Variants in RBM12 observed in about 807,000 individuals in gnomAD.
The protein encoded by RBM12 is RNA-binding protein 12.
In RBM12, 24 loss-of-function variants were observed where a neutral mutation model predicts 37.2. The observed-to-expected ratio is 0.65, with a 90% CI of 0.47 to 0.91. The LOEUF (loss-of-function observed/expected upper bound fraction) is 0.91. Among genes scored for constraint, RBM12 ranks in the 40% least tolerant of loss-of-function variants. The pLI, the probability that RBM12 is intolerant of heterozygous loss-of-function variation, is 0.00. For synonymous variants in RBM12, 420 were observed against 425.2 expected (o/e 0.99, Z 0.15); for missense variants, 1,061 against 1,183.2 (o/e 0.90, Z 1.52).
At chr20:35,660,047 C>G (rs1163819702) in intron 1 of RBM12, among the ~76,000 whole-genome samples, 1 of 152,132 alleles carries the variant, frequency 6.6e-6, no homozygotes, top group African/African-American at 2.4e-5. Context: ...GTGTGATTTT[C>G]TAAAGGACAA....
chr20:35,660,933 C>A (rs2034199761), intron 1 of RBM12, among the ~76,000 whole-genome samples: 1 of 152,148 alleles, frequency 6.6e-6, no homozygotes, highest in African/African-American at 2.4e-5. Context: ...TCAAAAATTT[C>A]TAAAAGGTTA....
Position 35,659,888 on chromosome 20 carries a change from G to C in RBM12, c.-107-874C>G, listed in dbSNP as rs537338931. ...CAAAGGTCATGTTTTAATTCGGAGA[G>C]AGAAGAAATTTGCCACTGTTCAGTA... On this transcript the variant is annotated intron_variant, in intron 1 of 2. Transcript: ENST00000374114. 2.0e-5 allele frequency among the ~76,000 whole-genome samples: 3 copies of C among 152,200 alleles called. No homozygotes were observed. In the South Asian group the frequency reaches 6.2e-4, roughly 32 times the overall value.
rs1211662496 is a variant in RBM12 at position 35,654,216 on chromosome 20, T to C, written c.1107A>G (p.Gln369=). The C allele has an allele frequency of 2.5e-6, 4 of 1,614,132 alleles. No individual in the cohort carries two copies. The highest frequency in any genetic ancestry group is 1.3e-5 in the African/African-American group (1 of 74,948). The change falls in exon 3 of 3, where the codon CAA becomes CAG. Residue 369 remains glutamine, a synonymous_variant. Transcript: ENST00000374114. ...ALKRNRMLMI[Q]RYVEVSPATE... is the part of the protein sequence containing the mutation. ...TGGCAGGGCTAACTTCCACATAGCG[T>C]TGAATCATCAGCATTCTGTTTCGTT...
Position 35,650,014 on chromosome 20 carries a change from G to A in RBM12, c.*2510C>T, listed in dbSNP as rs1441015563. The A allele has an allele frequency of 1.3e-5, 2 of 152,618 alleles. No individual in the cohort carries two copies. Among genetic ancestry groups the A allele is most frequent in the South Asian group, 2.1e-4 (1 of 4,838 alleles). 9.5% of individuals were successfully genotyped at this position (152,618 alleles called of 1,614,324 possible). ...TCTTAGGAGAAAATTCGCAGGAAGA[G>A]AGGTATGAGTAGTTTCACAGAATAC... is the stretch of plus-strand genomic sequence containing the variant. On this transcript the variant is annotated 3_prime_UTR_variant, in exon 3 of 3. Transcript: ENST00000374114.
chr20:35,657,627 T>C (rs1316205713), intron 2 of RBM12, among the ~76,000 whole-genome samples: 1 of 152,172 alleles, frequency 6.6e-6, no homozygotes, highest in Non-Finnish European at 1.5e-5. Context: ...TTGTACAAGG[T>C]ACACATGAGA....
Position 35,654,140 on chromosome 20 carries a change from T to C in RBM12, c.1183A>G (p.Met395Val). The change falls in exon 3 of 3, where the codon ATG becomes GTG. Residue 395 changes from methionine to valine, a missense_variant. This residue lies in a region of RBM12 where 540 missense variants were observed against 632.7 expected (regional missense o/e 0.85). Coordinates refer to ENST00000374114, the MANE Select transcript of RBM12 (RefSeq NM_006047.6). The part of the protein sequence containing the change: ...AGGHITFKQN[M>V]GPSGQTHPPP... ...GGATGAGTTTGTCCAGAAGGTCCCA[T>C]ATTTTGCTTAAAAGTGATATGGCCT... is the stretch of plus-strand genomic sequence containing the variant. The C allele has an allele frequency of 2.5e-6, 4 of 1,614,242 alleles. No homozygotes were observed. The highest frequency in any genetic ancestry group is 3.4e-6 in the Non-Finnish European group (4 of 1,180,046).
In RBM12 at chr20:35,655,166, C is replaced by T; in HGVS notation, c.157G>A (p.Ala53Thr). 1.2e-6 allele frequency: 2 copies of T among 1,614,196 alleles called. No homozygotes were observed. Among genetic ancestry groups the T allele is most frequent in the Non-Finnish European group, 1.7e-6 (2 of 1,180,042 alleles). Reference protein sequence around the residue: ...AFIVFATDEDARLGMMRTGGT... With the variant: ...AFIVFATDEDTRLGMMRTGGT... ...CCTGTGCGCATCATACCAAGCCTTG[C>T]ATCTTCATCAGTGGCAAAAACGATG... The change falls in exon 3 of 3, where the codon GCA becomes ACA. Residue 53 changes from alanine (A) to threonine (T), a missense_variant. Physicochemically the swap from Ala to Thr is moderately conservative, Grantham distance 58 (BLOSUM62 0). This residue lies in a region of RBM12 where 540 missense variants were observed against 632.7 expected (regional missense o/e 0.85). Transcript: ENST00000374114.
rs947430142 is a variant in RBM12, at chr20:35,654,115, G to A, written c.1208C>T (p.Pro403Leu). 1 of 1,614,170 alleles carries A rather than the reference G, an allele frequency of 6.2e-7. No homozygotes were observed. Among genetic ancestry groups the A allele is most frequent in the East Asian group, 2.2e-5 (1 of 44,890 alleles). Residue 403 changes from proline (P) to leucine (L), a missense_variant, in exon 3 of 3, where the codon CCC becomes CTC. By Grantham distance (98) the Pro-to-Leu change is moderately conservative. This residue lies in a region of RBM12 where 540 missense variants were observed against 632.7 expected (regional missense o/e 0.85). Transcript: ENST00000374114. Reference sequence around the variant, plus strand: ...TGACCTGGGAAGTGTCTGAGGAGGGGGATGAGTTTGTCCAGAAGGTCCCAT... The same window carrying A: ...TGACCTGGGAAGTGTCTGAGGAGGGAGATGAGTTTGTCCAGAAGGTCCCAT... ...QNMGPSGQTH[P>L]PPQTLPRSKS... is the part of the protein sequence containing the mutation.
At position 35,650,358 on chromosome 20, in the gene RBM12, G is replaced by A. The variant is rs1398497553; in HGVS notation, c.*2166C>T. On this transcript the variant is annotated 3_prime_UTR_variant, in exon 3 of 3. Transcript: ENST00000374114. Reference sequence around the variant, plus strand: ...TATGAAATATTTAATAAGAATGTACGAACATATAACCAAAATAAATTGTGA... The same window carrying A: ...TATGAAATATTTAATAAGAATGTACAAACATATAACCAAAATAAATTGTGA... 6.6e-6 allele frequency: 1 copy of A among 152,238 alleles called. No individual in the cohort carries two copies. Among genetic ancestry groups the A allele is most frequent in the Non-Finnish European group, 1.5e-5 (1 of 67,980 alleles). The allele number at this position is 152,238 out of a possible 1,614,324, so 9.4% of individuals were successfully genotyped here.
In RBM12 at chr20:35,653,695, T is replaced by G. The variant is rs147392036; in HGVS notation, c.1628A>C (p.Lys543Thr). 4 of 1,614,092 alleles carry G rather than the reference T, an allele frequency of 2.5e-6. No homozygotes were observed. The highest frequency in any genetic ancestry group is 2.5e-6 in the Non-Finnish European group (3 of 1,180,052). ...LNPEGDVNSA[K>T]VCAHITNIPF... ...AATATTTGTTATGTGGGCACAGACT[T>G]TGGCAGAGTTGACATCCCCCTCTGG... is the stretch of plus-strand genomic sequence containing the variant. Residue 543 changes from lysine (K) to threonine (T), a missense_variant, in exon 3 of 3, where the codon AAA (lysine) becomes ACA (threonine). Physicochemically the swap from Lys to Thr is moderately conservative, Grantham distance 78. Transcript: ENST00000374114.
chr20:35,655,549 G>C (rs995371529), intron 2 of RBM12, among the ~76,000 whole-genome samples: 7 of 152,102 alleles, frequency 4.6e-5, no homozygotes, highest in African/African-American at 1.7e-4. Flanking sequence ...CTTCCAGAAG[G>C]CATTAATTTT....
At chr20:35,655,408 C>T in intron 2 of RBM12, 64 bp from the exon 3 acceptor site, 2 of 1,349,360 alleles carry the variant, frequency 1.5e-6, no homozygotes, top group East Asian at 2.3e-5. Flanking sequence ...TTTTTAGCTA[C>T]AAGAATGACC....
chr20:35,658,003 G>A (rs1465182987), intron 2 of RBM12, among the ~76,000 whole-genome samples: 4 of 151,944 alleles, frequency 2.6e-5, no homozygotes, highest in Non-Finnish European at 4.4e-5. Context: ...CAGAGATCAC[G>A]CCACTGCACT....
chr20:35,661,972 AC>A (rs1310973270), intron 1 of RBM12, among the ~76,000 whole-genome samples: 1 of 152,220 alleles, frequency 6.6e-6, no homozygotes, highest in African/African-American at 2.4e-5. Context: ...AATGCTAAAA[AC>A]AGTATAATCA....
rs2033800499 is a variant in RBM12 at position 35,654,856 on chromosome 20, C to T, written c.467G>A (p.Gly156Glu). The T allele has an allele frequency of 3.1e-6, 5 of 1,614,146 alleles. No individual in the cohort carries two copies. Among genetic ancestry groups the T allele is most frequent in the Non-Finnish European group, 4.2e-6 (5 of 1,180,014 alleles). The stretch of plus-strand genomic sequence containing the variant: ...AGCCCCCATATTTGGAGGAGCTGTT[C>T]CTACGCTGGCTGTGGAAAATGTCTG... ...NIQTFSTASV[G>E]TAPPNMGASF... The change falls in exon 3 of 3, where the codon GGA becomes GAA. Residue 156 changes from glycine (G) to glutamate (E), a missense_variant. Transcript: ENST00000374114.
chr20:35,654,626 G>C lies in RBM12; in HGVS notation c.697C>G (p.Pro233Ala). The change falls in exon 3 of 3, where the codon CCA (proline) becomes GCA (alanine). Residue 233 changes from proline (P) to alanine (A), a missense_variant. Around this residue, in one of 3 missense-constraint regions of RBM12, gnomAD observed 540 missense variants for 632.7 expected, o/e 0.85. Coordinates refer to ENST00000374114, the MANE Select transcript of RBM12 (RefSeq NM_006047.6). ...ATGGGTGGCAGTGGGGTCATGGGTG[G>C]CACAGAAGGAACTGGGGGAATCGGG... ...VPPIPPVPSVPPMTPLPPMSG... is the reference protein window; with the variant it reads ...VPPIPPVPSVAPMTPLPPMSG... 6.2e-7 allele frequency: 1 copy of C among 1,614,186 alleles called. No individual in the cohort carries two copies. Among genetic ancestry groups the C allele is most frequent in the Non-Finnish European group, 8.5e-7 (1 of 1,180,032 alleles).
At chr20:35,658,633 C>T (rs970603659) in intron 2 of RBM12, among the ~76,000 whole-genome samples, 6 of 151,744 alleles carry the variant, frequency 4.0e-5, no homozygotes, top group East Asian at 1.9e-4. Flanking sequence ...TGGTGGCAGG[C>T]GCCTGTAATC....
At position 35,649,924 on chromosome 20, in the gene RBM12, A is replaced by C. The variant is rs972925865; in HGVS notation, c.*2600T>G. On this transcript the variant is annotated 3_prime_UTR_variant, in exon 3 of 3. Coordinates refer to ENST00000374114, the MANE Select transcript of RBM12 (RefSeq NM_006047.6). ...ACACAACTTTGAGCAAAGCTTTACA[A>C]ATCCTTCATACCATACAAAGCAAAT... 5.9e-5 allele frequency: 9 copies of C among 152,490 alleles called. No homozygotes were observed. Among genetic ancestry groups the C allele is most frequent in the Admixed American group, 1.3e-4 (2 of 15,280 alleles). 9.4% of individuals were successfully genotyped at this position (152,490 alleles called of 1,614,324 possible).
chr20:35,650,533 A>C lies in RBM12; in HGVS notation c.*1991T>G, dbSNP rs2033427323. 6.6e-6 allele frequency: 1 copy of C among 152,580 alleles called. No homozygotes were observed. The highest frequency in any genetic ancestry group is 2.1e-4 in the South Asian group (1 of 4,828). 9.5% of individuals were successfully genotyped at this position (152,580 alleles called of 1,614,324 possible). A position where few individuals can be genotyped will look rare whatever the true frequency, so the allele number is the denominator to read the frequency against. On this transcript the variant is annotated 3_prime_UTR_variant, in exon 3 of 3. Coordinates refer to ENST00000374114, the MANE Select transcript of RBM12 (RefSeq NM_006047.6). Reference sequence around the variant, plus strand: ...CTTTGGAATGAGAAATGATTACTTAACATTAACTTAAATTAAACAGCATAT... The same window carrying C: ...CTTTGGAATGAGAAATGATTACTTACCATTAACTTAAATTAAACAGCATAT...
Sources: gnomAD v4.1 joint callset for allele counts (sites outside exome capture counted in the v4.1 genomes callset) on GRCh38, gnomAD v4.1.1 for gene constraint, gnomAD v4.1.1 regional missense constraint, MANE v1.5 for transcripts, NCBI Gene and HGNC (gene_info 2026-07-23, HGNC 2026-07-21) for gene names.